Variants in SH3BGRL2 observed in about 807,000 individuals in gnomAD.
SH3BGRL2 encodes SH3 domain binding glutamate rich protein like 2, also known as SH3 domain-binding glutamic acid-rich-like protein 2.
In SH3BGRL2, 21 loss-of-function variants were observed where a neutral mutation model predicts 14.8. The observed-to-expected ratio is 1.42, with a 90% CI of 1.01 to 2.05. The LOEUF is 2.05. Among genes scored for constraint, SH3BGRL2 ranks in the 30% most tolerant of loss-of-function variants. The pLI is 0.00. For synonymous variants in SH3BGRL2, 50 were observed against 47.8 expected, an observed-to-expected ratio of 1.05 and a Z score of -0.19; for missense variants, 147 against 130.8, an observed-to-expected ratio of 1.12 and a Z score of -0.61.
chr6:79,644,626 C>T (rs185346917), intron 1 of SH3BGRL2, among the ~76,000 whole-genome samples: 2 of 152,156 alleles, frequency 1.3e-5, no homozygotes, highest in Admixed American at 1.3e-4. Flanking sequence ...GCAGGAAGAC[C>T]TGGATTTGAA....
chr6:79,602,521 T>C, the SH3BGRL2 span, among the ~76,000 whole-genome samples: 1 of 152,104 alleles, frequency 6.6e-6, no homozygotes, highest in African/African-American at 2.4e-5. Flanking sequence ...GAGGGGCAAA[T>C]TGGAATATAG....
the SH3BGRL2 span, among the ~76,000 whole-genome samples, chr6:79,562,367 G>A: frequency 6.6e-6 from 1 of 152,104 alleles, no homozygotes; most frequent in Non-Finnish European, 1.5e-5. Flanking sequence ...ATGTAAGTGT[G>A]CTCTTTAGAT....
chr6:79,690,821 G>A (rs1453462210), intron 2 of SH3BGRL2, among the ~76,000 whole-genome samples: 2 of 152,288 alleles, frequency 1.3e-5, no homozygotes, highest in East Asian at 1.9e-4. Context: ...GGAGGCTGAG[G>A]CAGGAAGATT....
At chr6:79,582,260 T>C in the SH3BGRL2 span, among the ~76,000 whole-genome samples, 1 of 152,170 alleles carries the variant, frequency 6.6e-6, no homozygotes, top group Non-Finnish European at 1.5e-5. Context: ...ACCAATGACT[T>C]TCTTCACAGA....
At chr6:79,584,886 G>T in the SH3BGRL2 span, among the ~76,000 whole-genome samples, 51 of 152,116 alleles carry the variant, frequency 3.4e-4, no homozygotes, top group Middle Eastern at 3.4e-3. Flanking sequence ...GTTTCTATAG[G>T]ATTCTCTCTT....
At chr6:79,661,880 A>G (rs888840423) in intron 1 of SH3BGRL2, among the ~76,000 whole-genome samples, 2 of 152,190 alleles carry the variant, frequency 1.3e-5, no homozygotes, top group African/African-American at 2.4e-5. Flanking sequence ...CTTTGCCATT[A>G]TATAATGGCC....
At chr6:79,629,568 G>C (rs1768786020), upstream of SH3BGRL2, among the ~76,000 whole-genome samples, 1 of 152,164 alleles carries the variant, frequency 6.6e-6, no homozygotes, top group Admixed American at 6.5e-5. Context: ...TCCTCTACTA[G>C]TTCCCTCATA....
At chr6:79,628,339 C>G (rs1002742432), upstream of SH3BGRL2, among the ~76,000 whole-genome samples, 3 of 151,160 alleles carry the variant, frequency 2.0e-5, no homozygotes, top group African/African-American at 7.3e-5. Flanking sequence ...CTTGGCACTC[C>G]TCTTACTCCC....
chr6:79,577,388 C>G, the SH3BGRL2 span, among the ~76,000 whole-genome samples: 2 of 152,126 alleles, frequency 1.3e-5, no homozygotes, highest in Non-Finnish European at 2.9e-5. Context: ...GGGTTAAAAC[C>G]TTAGTATTAA....
the SH3BGRL2 span, among the ~76,000 whole-genome samples, chr6:79,591,082 T>C: frequency 6.6e-6 from 1 of 152,164 alleles, no homozygotes; most frequent in Non-Finnish European, 1.5e-5. Flanking sequence ...AAACCAGAAT[T>C]AGGCCCTGGT....
At chr6:79,647,903 C>A (rs1386892043) in intron 1 of SH3BGRL2, among the ~76,000 whole-genome samples, 1 of 151,980 alleles carries the variant, frequency 6.6e-6, no homozygotes, top group Non-Finnish European at 1.5e-5. Context: ...TTGTTTTAGA[C>A]TTAATGACCC....
the SH3BGRL2 span, among the ~76,000 whole-genome samples, chr6:79,580,824 A>G: frequency 5.9e-5 from 9 of 152,238 alleles, no homozygotes; most frequent in South Asian, 1.9e-3. Context: ...ACACAAAAAA[A>G]CCTTCAAAAT....
chr6:79,597,770 C>T, the SH3BGRL2 span, among the ~76,000 whole-genome samples: 10 of 152,194 alleles, frequency 6.6e-5, no homozygotes, highest in African/African-American at 2.2e-4. Flanking sequence ...TGGACATCCT[C>T]GAAATTTAAA....
chr6:79,656,000 G>A (rs930004922), intron 1 of SH3BGRL2, among the ~76,000 whole-genome samples: 6 of 152,210 alleles, frequency 3.9e-5, no homozygotes, highest in African/African-American at 1.4e-4. Flanking sequence ...GCCTGGGCCC[G>A]GGTATGGACT....
chr6:79,593,292 GTTTA>G, the SH3BGRL2 span, among the ~76,000 whole-genome samples: 4 of 152,236 alleles, frequency 2.6e-5, no homozygotes, highest in South Asian at 8.3e-4. Flanking sequence ...TACACTGTGT[GTTTA>G]TACAAGAAGC....
chr6:79,588,554 G>A, the SH3BGRL2 span, among the ~76,000 whole-genome samples: 1 of 152,098 alleles, frequency 6.6e-6, no homozygotes, highest in Non-Finnish European at 1.5e-5. Context: ...CTTCTCAATT[G>A]CCTTCAGCTC....
intron 2 of SH3BGRL2, among the ~76,000 whole-genome samples, chr6:79,692,025 C>T (rs1241005864): frequency 1.3e-5 from 2 of 152,126 alleles, no homozygotes; most frequent in African/African-American, 4.8e-5. Flanking sequence ...CTGTTGTTTC[C>T]TGACTTTTTA....
At chr6:79,688,198 T>TA (rs759008383) in intron 2 of SH3BGRL2, among the ~76,000 whole-genome samples, 3,155 of 141,266 alleles carry the variant, frequency 0.022, 85 homozygotes, top group African/African-American at 0.069. Flanking sequence ...ATGAGAGATT[T>TA]AAAAAAAAAA....
In SH3BGRL2 at chr6:79,695,436, A is replaced by G. The variant is rs183737078; in HGVS notation, c.232-1049A>G. Among the ~76,000 whole-genome samples the G allele has an allele frequency of 1.1e-3, 160 of 152,296 alleles. 2 individuals carry two copies. The highest frequency in any genetic ancestry group is 1.3e-4 in the Non-Finnish European group (9 of 68,026). ...TGCGTTGCAGGAAGCGAATCTCTAC[A>G]AGTCTAGATGCCGTTGGCTTGGCTT... is the stretch of plus-strand genomic sequence containing the variant. On this transcript the variant is annotated intron_variant, in intron 2 of 3. Coordinates refer to ENST00000369838, the MANE Select transcript of SH3BGRL2 (RefSeq NM_031469.4).
Sources: gnomAD v4.1 joint callset for allele counts (sites outside exome capture counted in the v4.1 genomes callset) on GRCh38, gnomAD v4.1.1 for gene constraint, MANE v1.5 for transcripts, NCBI Gene and HGNC (gene_info 2026-07-23, HGNC 2026-07-21) for gene names.